Variants in DHCR7 observed in about 807,000 individuals in gnomAD.
DHCR7 encodes the protein 7-DHC reductase.
In DHCR7, 40 loss-of-function variants were observed where a neutral mutation model predicts 43.3. That is an observed-to-expected ratio of 0.92 (90% CI 0.72 to 1.20). The LOEUF (loss-of-function observed/expected upper bound fraction) is 1.20. Ranked by LOEUF, DHCR7 falls within the 50% of genes most tolerant of loss-of-function variation. The probability of loss-of-function intolerance (pLI) is 0.00; values close to 1 mark genes in which losing one functional copy is unlikely to be tolerated. For synonymous variants in DHCR7, 298 were observed against 271.4 expected (o/e 1.10, Z -0.96); for missense variants, 608 against 644.6 (o/e 0.94, Z 0.62).
At chr11:71,429,631 T>C (rs976986514), downstream of DHCR7, among the ~76,000 whole-genome samples, 1 of 151,982 alleles carries the variant, frequency 6.6e-6, no homozygotes, top group Non-Finnish European at 1.5e-5. Context: ...TCAGTACTGA[T>C]TGAGGGGGTG....
chr11:71,441,371 T>A lies in DHCR7; in HGVS notation c.482A>T (p.Asn161Ile). The stretch of plus-strand genomic sequence containing the variant: ...CGAGAACCAGGACAGGAGATGAGCG[T>A]TTGCAAACCAGAGCAGGTGCGTGAG... ...WLLTHLLWFA[N>I]AHLLSWFSPT... The change falls in exon 6 of 9, where the codon AAC becomes ATC. Residue 161 changes from asparagine to isoleucine, a missense_variant. Physicochemically the swap from Asn to Ile is moderately radical, Grantham distance 149 (BLOSUM62 -3). Coordinates refer to ENST00000355527, the MANE Select transcript of DHCR7 (RefSeq NM_001360.3). The A allele has an allele frequency of 6.2e-7, 1 of 1,614,134 alleles. No individual in the cohort carries two copies. The highest frequency in any genetic ancestry group is 8.5e-7 in the Non-Finnish European group (1 of 1,180,022).
At position 71,435,948 on chromosome 11, in the gene DHCR7, C is replaced by T. The variant is rs762782615; in HGVS notation, c.964-109G>A. ...GGTCAAACCCCAGCTCTGCCTCTGA[C>T]ACACGCCTTGCCTCCGTGTTCTCTT... On this transcript the variant is annotated intron_variant, in intron 8 of 8. Coordinates refer to ENST00000355527, the MANE Select transcript of DHCR7 (RefSeq NM_001360.3). The T allele has an allele frequency of 9.1e-6, 8 of 874,892 alleles. No homozygotes were observed. The African/African-American group carries it at 1.2e-4, about 13-fold the overall frequency. The allele number at this position is 874,892 out of a possible 1,614,324, so 54.2% of individuals were successfully genotyped here. A position where few individuals can be genotyped will look rare whatever the true frequency, so the allele number is the denominator to read the frequency against.
rs1790326 is a variant in DHCR7 at position 71,438,091 on chromosome 11, G to A, written c.832-148C>T. ...AATGCTGGGGCTGTTCCTTCCCTGC[G>A]GCTGGGGCTGTTCCTGCCTGGGTCA... On this transcript the variant is annotated intron_variant, in intron 7 of 8. Coordinates refer to ENST00000355527, the MANE Select transcript of DHCR7 (RefSeq NM_001360.3). 0.89 allele frequency: 829,305 copies of A among 927,630 alleles called. 375,984 individuals are homozygous for A. The highest frequency in any genetic ancestry group is 0.96 in the Non-Finnish European group (566,077 of 592,262). The allele number at this position is 927,630 out of a possible 1,614,324, so 57.5% of individuals were successfully genotyped here.
At chr11:71,442,061 C>T (rs1949353766) in intron 5 of DHCR7, among the ~76,000 whole-genome samples, 1 of 152,188 alleles carries the variant, frequency 6.6e-6, no homozygotes, top group Admixed American at 6.5e-5. Context: ...CCTCCTTACC[C>T]AGGAAAGTGA....
At chr11:71,447,205 C>A (rs575667140) in intron 2 of DHCR7, among the ~76,000 whole-genome samples, 107 of 152,324 alleles carry the variant, frequency 7.0e-4, no homozygotes, top group African/African-American at 2.5e-3. Context: ...GGGGACAATG[C>A]CTGGTACCAA....
intron 8 of DHCR7, among the ~76,000 whole-genome samples, chr11:71,437,274 C>T (rs1949293808): frequency 6.6e-6 from 1 of 152,192 alleles, no homozygotes; most frequent in Non-Finnish European, 1.5e-5. Flanking sequence ...AAGCAAGTGC[C>T]CTGGGGTGAG....
At chr11:71,441,501 G>A in intron 5 of DHCR7, 61 bp from the exon 6 acceptor site, 2 of 1,396,406 alleles carry the variant, frequency 1.4e-6, no homozygotes, top group Non-Finnish European at 2.0e-6. Flanking sequence ...GAGCTTGGCT[G>A]GGCTGAAGCA....
chr11:71,442,632 C>G (rs571366047), intron 4 of DHCR7, among the ~76,000 whole-genome samples: 18 of 151,994 alleles, frequency 1.2e-4, no homozygotes, highest in Non-Finnish European at 2.5e-4. Flanking sequence ...ATGGAGAATC[C>G]CATAAAATTC....
intron 7 of DHCR7, 70 bp from the exon 8 acceptor site, chr11:71,438,013 C>A (rs1342829537): frequency 4.4e-6 from 7 of 1,588,628 alleles, no homozygotes; most frequent in Non-Finnish European, 6.0e-6. Flanking sequence ...GGGGAAATCA[C>A]ACTCCACGCA....
chr11:71,445,513 C>G (rs1454044580), intron 2 of DHCR7, among the ~76,000 whole-genome samples: 1 of 152,186 alleles, frequency 6.6e-6, no homozygotes, highest in Non-Finnish European at 1.5e-5. Context: ...CTTAGTAACT[C>G]TCCCCATCGC....
intron 2 of DHCR7, among the ~76,000 whole-genome samples, chr11:71,446,844 C>A (rs1040998894): frequency 6.6e-6 from 1 of 152,216 alleles, no homozygotes; most frequent in Admixed American, 6.5e-5. Flanking sequence ...GAATACAGAG[C>A]CTGGCGAGTG....
At chr11:71,446,430 T>G (rs1949403767) in intron 2 of DHCR7, among the ~76,000 whole-genome samples, 1 of 152,248 alleles carries the variant, frequency 6.6e-6, no homozygotes, top group Non-Finnish European at 1.5e-5. Flanking sequence ...ATTTATTGAC[T>G]ATTGTATGCA....
At position 71,442,275 on chromosome 11, in the gene DHCR7, C is replaced by T. The variant is rs201466849; in HGVS notation, c.400G>A (p.Val134Met). ...GYVGGIQEGA[V>M]TPAGVVNKYQ... ...GGGAGGAGGCTACCTGCAGGAGTCA[C>T]GGCCCCCTCCTGGATGCCTCCTACG... is the stretch of plus-strand genomic sequence containing the variant. The change falls in exon 5 of 9, where the codon GTG becomes ATG. Residue 134 changes from valine to methionine, a missense_variant. Transcript: ENST00000355527. 1.1e-5 allele frequency: 18 copies of T among 1,612,688 alleles called. No individual in the cohort carries two copies. The highest frequency in any genetic ancestry group is 2.2e-5 in the East Asian group (1 of 44,852).
chr11:71,438,698 G>A (rs1949315439), intron 7 of DHCR7, 181 bp downstream of exon 7: 1 of 679,462 alleles, frequency 1.5e-6, no homozygotes, highest in Non-Finnish European at 2.6e-6. Context: ...GCAGAGACAG[G>A]CACCCAAGGA....
rs1177553385 is a variant in DHCR7 at position 71,435,591 on chromosome 11, G to C, written c.1212C>G (p.Arg404=). The change falls in exon 9 of 9, where the codon CGC becomes CGG. Residue 404 remains arginine, a synonymous_variant. Coordinates refer to ENST00000355527, the MANE Select transcript of DHCR7 (RefSeq NM_001360.3). ...TCAGGTCGCCGACGTAGTTGAAGTG[G>C]CGGGCCACGCCCCAGAAGCCCGACA... ...LLVSGFWGVA[R]HFNYVGDLMG... 6.2e-7 allele frequency: 1 copy of C among 1,609,074 alleles called. No individual in the cohort carries two copies. The highest frequency in any genetic ancestry group is 1.7e-5 in the Admixed American group (1 of 59,906).
intron 4 of DHCR7, 45 bp downstream of exon 4, chr11:71,443,948 G>A (rs768771352): frequency 1.3e-5 from 20 of 1,487,638 alleles, no homozygotes; most frequent in South Asian, 4.8e-5. Context: ...AGGAGGGCAC[G>A]CTCCCCACCT....
chr11:71,435,668 C>G lies in DHCR7; in HGVS notation c.1135G>C (p.Glu379Gln). Residue 379 changes from glutamate (E) to glutamine (Q), a missense_variant, in exon 9 of 9, where the codon GAG becomes CAG. Coordinates refer to ENST00000355527, the MANE Select transcript of DHCR7 (RefSeq NM_001360.3). ...CCATCGGCGGATGTGTAGGAGCACT[C>G]GATGACCTTGGGCTTCCTGCCCCAG... Reference protein sequence around the residue: ...LIWGRKPKVIECSYTSADGQR... With the variant: ...LIWGRKPKVIQCSYTSADGQR... The G allele has an allele frequency of 6.2e-7, 1 of 1,613,074 alleles. No individual in the cohort carries two copies. The highest frequency in any genetic ancestry group is 8.5e-7 in the Non-Finnish European group (1 of 1,179,922).
intron 2 of DHCR7, among the ~76,000 whole-genome samples, chr11:71,445,812 T>A (rs948031395): frequency 6.6e-6 from 1 of 152,240 alleles, no homozygotes; most frequent in African/African-American, 2.4e-5. Flanking sequence ...TGAGATTTTT[T>A]AAAAGATGCT....
chr11:71,429,494 G>T (rs557605001), downstream of DHCR7, among the ~76,000 whole-genome samples: 10 of 152,300 alleles, frequency 6.6e-5, no homozygotes, highest in Non-Finnish European at 1.2e-4. Context: ...GATGGAAAGC[G>T]GTCAGATCCT....
Sources: gnomAD v4.1 joint callset for allele counts (sites outside exome capture counted in the v4.1 genomes callset) on GRCh38, gnomAD v4.1.1 for gene constraint, MANE v1.5 for transcripts, NCBI Gene and HGNC (gene_info 2026-07-23, HGNC 2026-07-21) for gene names.